NRG3: variants seen among roughly 807,000 people sequenced by gnomAD.
The protein encoded by NRG3 is pro-neuregulin-3, membrane-bound isoform.
In NRG3, 31 loss-of-function variants were observed where a neutral mutation model predicts 66.9. The ratio of observed to expected loss-of-function variants is 0.46; its 90% CI spans 0.35 to 0.63. The LOEUF (loss-of-function observed/expected upper bound fraction) is 0.63. Among genes scored for constraint, NRG3 ranks in the 20% least tolerant of loss-of-function variants. The pLI is 0.00. For missense variants in NRG3, 910 were observed against 878.9 expected (o/e 1.04, Z -0.45); for synonymous variants, 393 against 359.4 (o/e 1.09, Z -1.06).
intron 2 of NRG3, among the ~76,000 whole-genome samples, chr10:82,532,701 T>C (rs577001966): frequency 6.6e-6 from 1 of 151,236 alleles, no homozygotes; most frequent in Admixed American, 6.6e-5. Flanking sequence ...TATTTCCCCC[T>C]CTTGACTATT....
intron 2 of NRG3, among the ~76,000 whole-genome samples, chr10:82,652,156 T>A (rs963037498): frequency 6.6e-6 from 1 of 152,048 alleles, no homozygotes; most frequent in African/African-American, 2.4e-5. Flanking sequence ...GCTTTTAGGG[T>A]GCCAGCAGGA....
intron 2 of NRG3, among the ~76,000 whole-genome samples, chr10:82,417,048 A>G (rs543043097): frequency 6.6e-6 from 1 of 152,126 alleles, no homozygotes; most frequent in Non-Finnish European, 1.5e-5. Context: ...AACTTTTAAT[A>G]TCCAGATCTA....
rs181666657 is a variant in NRG3, at chr10:81,922,828, G to A, written c.823+46665G>A. Among the ~76,000 whole-genome samples the A allele has an allele frequency of 1.2e-3, 177 of 152,278 alleles. 1 individual carries two copies. The highest frequency in any genetic ancestry group is 0.01 in the Middle Eastern group (3 of 294). On this transcript the variant is annotated intron_variant, in intron 1 of 8. Coordinates refer to ENST00000372141, the MANE Select transcript of NRG3 (RefSeq NM_001010848.4). ...TAAATGTCCCAAATATTTGCTGACA[G>A]ATTTATAGAATGTCTAGGATTTGCT...
intron 1 of NRG3, among the ~76,000 whole-genome samples, chr10:82,105,351 T>C (rs759676719): frequency 3.3e-5 from 5 of 152,168 alleles, no homozygotes; most frequent in Non-Finnish European, 5.9e-5. Flanking sequence ...ATTAACTGAA[T>C]AGGGTTTGTT....
At chr10:82,724,460 C>A (rs2050458) in intron 2 of NRG3, among the ~76,000 whole-genome samples, 1,536 of 152,002 alleles carry the variant, frequency 0.01, 24 homozygotes, top group African/African-American at 0.035. Flanking sequence ...AATGCTGCAC[C>A]CTGTTAGTTG....
At chr10:82,350,027 C>T (rs982408469) in intron 1 of NRG3, among the ~76,000 whole-genome samples, 17 of 152,272 alleles carry the variant, frequency 1.1e-4, no homozygotes, top group Admixed American at 7.2e-4. Flanking sequence ...CCGTCTTCTG[C>T]GTCGCTCACG....
intron 2 of NRG3, among the ~76,000 whole-genome samples, chr10:82,605,941 A>T (rs1050228062): frequency 6.6e-6 from 1 of 152,064 alleles, no homozygotes; most frequent in Non-Finnish European, 1.5e-5. Context: ...TCTTTTTCTT[A>T]GTTAAATTAG....
chr10:82,019,266 T>G (rs1262593881), intron 1 of NRG3, among the ~76,000 whole-genome samples: 1 of 152,206 alleles, frequency 6.6e-6, no homozygotes, highest in East Asian at 1.9e-4. Context: ...TGAACCAGCC[T>G]TGCATCCCAG....
At chr10:82,053,032 TATTC>T (rs111749687) in intron 1 of NRG3, among the ~76,000 whole-genome samples, 1 of 144,862 alleles carries the variant, frequency 6.9e-6, no homozygotes, top group African/African-American at 2.5e-5. Context: ...CAAATGTTTT[TATTC>T]ATTCATTTAT....
chr10:81,993,225 A>G (rs894971275), intron 1 of NRG3, among the ~76,000 whole-genome samples: 1 of 152,232 alleles, frequency 6.6e-6, no homozygotes, highest in Non-Finnish European at 1.5e-5. Flanking sequence ...ATAAAAGAAC[A>G]TAGGAAAGAT....
chr10:82,312,455 T>C (rs960439673), intron 1 of NRG3, among the ~76,000 whole-genome samples: 7 of 152,198 alleles, frequency 4.6e-5, no homozygotes, highest in African/African-American at 1.7e-4. Flanking sequence ...ATTTGGTACA[T>C]TTCCATGGTC....
At chr10:82,738,521 A>G in intron 2 of NRG3, 56 bp from the exon 3 acceptor site, 1 of 1,374,030 alleles carries the variant, frequency 7.3e-7, no homozygotes, top group Non-Finnish European at 1.0e-6. Flanking sequence ...ACTTGTTGAA[A>G]TCTTAAGTCT....
chr10:82,521,741 T>C (rs1354017893), intron 2 of NRG3, among the ~76,000 whole-genome samples: 1 of 152,200 alleles, frequency 6.6e-6, no homozygotes, highest in Non-Finnish European at 1.5e-5. Flanking sequence ...TTTCGTACCA[T>C]TTTTACCCAC....
At chr10:81,979,938 A>G (rs776484525) in intron 1 of NRG3, among the ~76,000 whole-genome samples, 1 of 152,214 alleles carries the variant, frequency 6.6e-6, no homozygotes, top group African/African-American at 2.4e-5. Flanking sequence ...ATATAGGAAC[A>G]AAAAATCAAG....
At chr10:82,927,258 C>A (rs974647190) in intron 4 of NRG3, among the ~76,000 whole-genome samples, 5 of 152,100 alleles carry the variant, frequency 3.3e-5, no homozygotes, top group African/African-American at 1.2e-4. Context: ...TAACATTATT[C>A]TTGTGGCAAT....
At chr10:82,044,233 TATTA>T (rs1293908975) in intron 1 of NRG3, among the ~76,000 whole-genome samples, 42 of 152,174 alleles carry the variant, frequency 2.8e-4, no homozygotes, top group African/African-American at 9.9e-4. Context: ...AATTTGTATT[TATTA>T]ATTCACTTTC....
intron 1 of NRG3, among the ~76,000 whole-genome samples, chr10:82,114,109 G>T (rs775984249): frequency 6.6e-6 from 1 of 152,054 alleles, no homozygotes; most frequent in Non-Finnish European, 1.5e-5. Flanking sequence ...TGACATCTTT[G>T]ATTTAGCGTA....
chr10:82,207,697 C>T (rs1239594057), intron 1 of NRG3, among the ~76,000 whole-genome samples: 2 of 152,012 alleles, frequency 1.3e-5, no homozygotes, highest in Non-Finnish European at 2.9e-5. Context: ...ACAATCATGG[C>T]GAAAGGGGAA....
chr10:82,320,422 A>G (rs1290305420), intron 1 of NRG3, among the ~76,000 whole-genome samples: 5 of 152,216 alleles, frequency 3.3e-5, no homozygotes, highest in African/African-American at 1.2e-4. Context: ...TTGGAGGTCT[A>G]TTTCAGATCA....
Sources: allele counts gnomAD v4.1 joint callset (sites outside exome capture counted in the v4.1 genomes callset), GRCh38; gene constraint gnomAD v4.1.1; transcripts MANE v1.5; gene names NCBI Gene and HGNC (gene_info 2026-07-23, HGNC 2026-07-21).